The following MAP4 variants were observed in gnomAD, a reference collection of about 807,000 sequenced individuals.
MAP4 encodes the protein microtubule-associated protein 4.
Under a neutral mutation model 170.2 loss-of-function variants are expected in MAP4, and 76 were observed. The observed-to-expected ratio is 0.45, with a 90% CI of 0.37 to 0.54. MAP4 has a LOEUF of 0.54. Ranked by LOEUF, MAP4 falls within the 20% of genes least tolerant of loss-of-function variation. The pLI is 0.00. For missense variants in MAP4, 2,506 were observed against 2,748.0 expected (o/e 0.91, Z 1.97); for synonymous variants, 909 against 994.5 (o/e 0.91, Z 1.62).
At chr3:47,853,972 G>T (rs1393943799) in intron 19 of MAP4, among the ~76,000 whole-genome samples, 2 of 152,200 alleles carry the variant, frequency 1.3e-5, no homozygotes, top group African/African-American at 4.8e-5. Context: ...GGGGGACATG[G>T]AACACTCAGT....
intron 1 of MAP4, among the ~76,000 whole-genome samples, chr3:48,009,353 G>A (rs202194608): frequency 5.3e-5 from 8 of 152,166 alleles, no homozygotes; most frequent in South Asian, 2.1e-4. Flanking sequence ...TGCCTGCCTC[G>A]GCCTCCCAAA....
At chr3:47,938,020 G>A (rs1236187883) in intron 3 of MAP4, among the ~76,000 whole-genome samples, 3 of 151,760 alleles carry the variant, frequency 2.0e-5, no homozygotes, top group African/African-American at 7.3e-5. Flanking sequence ...AGGGAAAGGA[G>A]GGAGAGAACA....
At chr3:48,033,891 C>T (rs1264786028) in intron 1 of MAP4, among the ~76,000 whole-genome samples, 3 of 152,188 alleles carry the variant, frequency 2.0e-5, no homozygotes, top group African/African-American at 7.2e-5. Context: ...GTGTAAGCCA[C>T]CGTGTCCAGC....
rs1305505448 is a variant in MAP4 at position 47,910,731 on chromosome 3, A to G, written c.3690T>C (p.Ala1230=). 6 of 1,535,994 alleles carry G rather than the reference A, an allele frequency of 3.9e-6. No homozygotes were observed. Among genetic ancestry groups the G allele is most frequent in the Non-Finnish European group, 5.2e-6 (6 of 1,146,900 alleles). Residue 1230 remains alanine (A), a synonymous_variant, in exon 9 of 21, where the codon GCT becomes GCC. Coordinates refer to ENST00000683076, the MANE Select transcript of MAP4 (RefSeq NM_001385682.1). Reference sequence around the variant, plus strand: ...GGATTTCTTCCTTCCTCTCCATTCTAGCAGGCTGTGTGGAATAATTATTTT... The same window carrying G: ...GGATTTCTTCCTTCCTCTCCATTCTGGCAGGCTGTGTGGAATAATTATTTT... ...KFKNNYSTQP[A]RMERKEEILN...
At chr3:47,858,626 G>GTGTGCGCGCGT (rs2060650011) in intron 17 of MAP4, among the ~76,000 whole-genome samples, 2 of 147,974 alleles carry the variant, frequency 1.4e-5, no homozygotes, top group African/African-American at 5.3e-5. Context: ...CGCGTTGTGT[G>GTGTGCGCGCGT]TGTGTGTGTG....
chr3:47,912,147 G>A lies in MAP4; in HGVS notation c.2274C>T (p.Ala758=), dbSNP rs1312898230. 4 of 1,536,086 alleles carry A rather than the reference G, an allele frequency of 2.6e-6. No homozygotes were observed. The Admixed American group carries it at 5.9e-5, about 23-fold the overall frequency. Residue 758 remains alanine (A), a synonymous_variant, in exon 9 of 21, where the codon GCC becomes GCT. Transcript: ENST00000683076. The part of the protein sequence containing the change: ...LEPQRDLGRE[A]WDIESTPIMM... Reference sequence around the variant, plus strand: ...TTATTGGTGTGCTTTCTATATCCCAGGCCTCCCTGCCAAGATCCCTCTGGG... The same window carrying A: ...TTATTGGTGTGCTTTCTATATCCCAAGCCTCCCTGCCAAGATCCCTCTGGG...
At chr3:47,873,999 TTCTC>T (rs1003340308) in intron 12 of MAP4, among the ~76,000 whole-genome samples, 5 of 152,232 alleles carry the variant, frequency 3.3e-5, no homozygotes, top group African/African-American at 9.6e-5. Context: ...GAATAGGTTT[TTCTC>T]TCTCTGTCTC....
intron 1 of MAP4, among the ~76,000 whole-genome samples, chr3:48,026,020 AAATTTCTTTTAAATATACTCTTCTCC>A (rs1183695006): frequency 4.6e-5 from 7 of 151,622 alleles, no homozygotes; most frequent in Middle Eastern, 3.5e-3. Flanking sequence ...ATCTGAAGAG[AAATTTCTTTTAAATATACTCTTCTCC>A]TGTGTCCTTA....
At chr3:47,999,442 G>A (rs1057091356) in intron 1 of MAP4, among the ~76,000 whole-genome samples, 1 of 151,722 alleles carries the variant, frequency 6.6e-6, no homozygotes. Context: ...CCTCTCTGTA[G>A]TCACGTATAT....
intron 17 of MAP4, among the ~76,000 whole-genome samples, chr3:47,858,866 C>T (rs544904082): frequency 1.1e-4 from 17 of 151,880 alleles, no homozygotes; most frequent in South Asian, 2.1e-4. Flanking sequence ...CGGTGGCTCA[C>T]GCCTGTAATC....
At chr3:48,076,261 C>T (rs566049495) in intron 1 of MAP4, among the ~76,000 whole-genome samples, 1 of 151,566 alleles carries the variant, frequency 6.6e-6, no homozygotes, top group South Asian at 2.1e-4. Flanking sequence ...CTTTGGGAGC[C>T]CGAGGTGGGC....
chr3:48,026,003 T>C (rs2100112948), intron 1 of MAP4, among the ~76,000 whole-genome samples: 1 of 151,168 alleles, frequency 6.6e-6, no homozygotes. Context: ...TAAAGCAAAG[T>C]CTATACATCT....
At chr3:47,879,953 G>A (rs767425087) in intron 10 of MAP4, among the ~76,000 whole-genome samples, 1 of 152,150 alleles carries the variant, frequency 6.6e-6, no homozygotes, top group Non-Finnish European at 1.5e-5. Flanking sequence ...TAAATATGAT[G>A]TTAGCTGTAG....
At chr3:47,891,976 A>G (rs1476425716) in intron 10 of MAP4, 1 of 1,536,326 alleles carries the variant, frequency 6.5e-7, no homozygotes, top group Non-Finnish European at 8.7e-7. Flanking sequence ...CATATCTGGT[A>G]GGGATGTCAG....
At chr3:48,044,077 C>T (rs571551069) in intron 1 of MAP4, among the ~76,000 whole-genome samples, 1 of 151,750 alleles carries the variant, frequency 6.6e-6, no homozygotes, top group African/African-American at 2.4e-5. Context: ...ATCTCCTGAC[C>T]TCGTGATCTG....
Position 47,929,166 on chromosome 3 carries a change from C to T in MAP4, c.293-816G>A, listed in dbSNP as rs369410661. 7.5e-4 allele frequency among the ~76,000 whole-genome samples: 114 copies of T among 152,222 alleles called. 1 individual carries two copies. Among genetic ancestry groups the T allele is most frequent in the African/African-American group, 2.6e-3 (109 of 41,536 alleles). On this transcript the variant is annotated intron_variant, in intron 3 of 20. Coordinates refer to ENST00000683076, the MANE Select transcript of MAP4 (RefSeq NM_001385682.1). ...GGTCAGGAGTTCGAGACCAGCCTGA[C>T]CAACATGGTGAAACCCTGTCTCTAG...
In MAP4 at chr3:47,953,969, G is replaced by A. The variant is rs186646373; in HGVS notation, c.292+23896C>T. Among the ~76,000 whole-genome samples the A allele has an allele frequency of 2.7e-3, 408 of 151,436 alleles. 2 individuals are homozygous for A. The highest frequency in any genetic ancestry group is 4.2e-3 in the Non-Finnish European group (287 of 67,796). On this transcript the variant is annotated intron_variant, in intron 3 of 20. Transcript: ENST00000683076. ...GCAGAGGTTGCAGTTAGCCAAGATC[G>A]TGCCACTGTACTCCAGCCTGGGTGA... is the stretch of plus-strand genomic sequence containing the variant.
intron 12 of MAP4, 47 bp downstream of exon 12, chr3:47,875,638 C>T: frequency 6.6e-7 from 1 of 1,511,322 alleles, no homozygotes; most frequent in Non-Finnish European, 9.1e-7. Flanking sequence ...ATCTGACACT[C>T]AGAGGGGAAC....
chr3:48,034,715 A>C (rs1307363407), intron 1 of MAP4, among the ~76,000 whole-genome samples: 3 of 151,576 alleles, frequency 2.0e-5, no homozygotes, highest in Non-Finnish European at 4.4e-5. Flanking sequence ...AAAAATAAAA[A>C]ATTTTTTTTC....
Sources: gnomAD v4.1 joint callset for allele counts (sites outside exome capture counted in the v4.1 genomes callset) on GRCh38, gnomAD v4.1.1 for gene constraint, MANE v1.5 for transcripts, NCBI Gene and HGNC (gene_info 2026-07-23, HGNC 2026-07-21) for gene names.